The following SLCO2B1 variants were observed in gnomAD, a reference collection of about 807,000 sequenced individuals.
SLCO2B1 encodes solute carrier organic anion transporter family member 2B1.
SLCO2B1 carries 41 observed loss-of-function variants against 67.3 expected under a neutral mutation model. The observed-to-expected ratio is 0.61, with a 90% CI of 0.47 to 0.79. The LOEUF (loss-of-function observed/expected upper bound fraction) is 0.79, where lower values mean the gene tolerates loss of function less well. SLCO2B1 is among the 30% of genes least tolerant of loss of function. The probability of loss-of-function intolerance (pLI) is 0.00; values close to 1 mark genes in which losing one functional copy is unlikely to be tolerated. For synonymous variants in SLCO2B1, 379 were observed against 381.4 expected, an observed-to-expected ratio of 0.99 and a Z score of 0.07; for missense variants, 837 against 920.1, an observed-to-expected ratio of 0.91 and a Z score of 1.17.
intron 1 of SLCO2B1, among the ~76,000 whole-genome samples, chr11:75,155,932 G>A (rs574154700): frequency 1.3e-5 from 2 of 152,138 alleles, no homozygotes; most frequent in South Asian, 2.1e-4. Context: ...GGGTACGTGG[G>A]ATGGGACTGG....
At chr11:75,175,318 A>C (rs976986650) in intron 7 of SLCO2B1, among the ~76,000 whole-genome samples, 3 of 152,082 alleles carry the variant, frequency 2.0e-5, no homozygotes, top group Non-Finnish European at 4.4e-5. Flanking sequence ...GAGGGCCACC[A>C]ATGAGGAGTT....
At chr11:75,203,567 T>C in intron 13 of SLCO2B1, 140 bp downstream of exon 13, 1 of 1,058,014 alleles carries the variant, frequency 9.5e-7, no homozygotes, top group South Asian at 1.5e-5. Flanking sequence ...AGTGCTGAGC[T>C]CACCAGTCCT....
intron 7 of SLCO2B1, among the ~76,000 whole-genome samples, chr11:75,180,518 A>AT (rs1267734103): frequency 6.6e-6 from 1 of 152,138 alleles, no homozygotes; most frequent in Non-Finnish European, 1.5e-5. Context: ...TATCTATCAT[A>AT]TTTTTTATAA....
rs755551258 is a variant in SLCO2B1 at position 75,203,344 on chromosome 11, C to T, written c.1866C>T (p.Ile622=). ...GCCCCGTGATCCACGGCAGCGCCAT[C>T]GACACCACCTGTGTGCACTGGGCCC... The part of the protein sequence containing the change: ...MPSPVIHGSA[I]DTTCVHWALS... Residue 622 remains isoleucine (I), a synonymous_variant, in exon 13 of 14, where the codon ATC becomes ATT. Coordinates refer to ENST00000289575, the MANE Select transcript of SLCO2B1 (RefSeq NM_007256.5). The T allele has an allele frequency of 8.1e-6, 13 of 1,614,102 alleles. No individual in the cohort carries two copies. The South Asian group carries it at 8.8e-5, about 11-fold the overall frequency.
chr11:75,175,584 T>C (rs1260317693), intron 7 of SLCO2B1, among the ~76,000 whole-genome samples: 1 of 152,088 alleles, frequency 6.6e-6, no homozygotes, highest in African/African-American at 2.4e-5. Context: ...ACAAGAATTA[T>C]GTGCCCCCGA....
chr11:75,176,809 T>A (rs552759340), intron 7 of SLCO2B1, among the ~76,000 whole-genome samples: 1 of 152,284 alleles, frequency 6.6e-6, no homozygotes, highest in East Asian at 1.9e-4. Context: ...AGTTCTGAGG[T>A]GCGCAGGCCT....
At chr11:75,172,665 C>A in intron 7 of SLCO2B1, 96 bp downstream of exon 7, 3 of 1,161,596 alleles carry the variant, frequency 2.6e-6, no homozygotes, top group Non-Finnish European at 3.7e-6. Context: ...CGTGGTGGCT[C>A]ACATCTGTAG....
At chr11:75,154,619 G>A (rs1379457300) in intron 1 of SLCO2B1, among the ~76,000 whole-genome samples, 1 of 152,212 alleles carries the variant, frequency 6.6e-6, no homozygotes, top group Non-Finnish European at 1.5e-5. Context: ...GCCCTCCACT[G>A]GTAACAGAGC....
intron 4 of SLCO2B1, among the ~76,000 whole-genome samples, chr11:75,168,755 T>C (rs1316254551): frequency 6.6e-6 from 1 of 152,190 alleles, no homozygotes; most frequent in Non-Finnish European, 1.5e-5. Context: ...TTGCGTGTAC[T>C]GTGACCTCTC....
At chr11:75,195,221 G>A (rs1360637201) in intron 9 of SLCO2B1, among the ~76,000 whole-genome samples, 4 of 152,170 alleles carry the variant, frequency 2.6e-5, no homozygotes, top group East Asian at 1.9e-4. Context: ...AGCGAGGAGC[G>A]GAGGAAGGAC....
At chr11:75,168,834 T>A (rs1949923833) in intron 4 of SLCO2B1, among the ~76,000 whole-genome samples, 1 of 152,154 alleles carries the variant, frequency 6.6e-6, no homozygotes, top group South Asian at 2.1e-4. Context: ...CAGTTCAAAC[T>A]ACACCACCTT....
chr11:75,155,659 T>C (rs997233532), intron 1 of SLCO2B1, among the ~76,000 whole-genome samples: 2 of 152,166 alleles, frequency 1.3e-5, no homozygotes, highest in Non-Finnish European at 2.9e-5. Flanking sequence ...AGTTTCACCA[T>C]GTTGGCCAGG....
At position 75,193,208 on chromosome 11, in the gene SLCO2B1, GCCCCCACAGTCTT is replaced by G. The variant is rs749840016; in HGVS notation, c.1076-5_1083del. 1.9e-6 allele frequency: 3 copies of G among 1,595,358 alleles called. No individual in the cohort carries two copies. The African/African-American group carries it at 4.0e-5, about 21-fold the overall frequency. ...CCTGCCTGCCCTGACCTCTGCACTC[GCCCCCACAGTCTT>G]CCCCAGGGTGCTGCTGCAGACCCTA... On this transcript the variant is annotated splice_acceptor_variant and splice_polypyrimidine_tract_variant and coding_sequence_variant and intron_variant, in exon 9 of 14. Transcript: ENST00000289575. LOFTEE classifies it high-confidence loss of function. This position sits in a 1 kb window ranked among gnomAD's most constrained non-coding sequence, Gnocchi z 4.2.
At chr11:75,163,869 C>T in intron 2 of SLCO2B1, 94 bp from the exon 3 acceptor site, 1 of 1,395,476 alleles carries the variant, frequency 7.2e-7, no homozygotes, top group Non-Finnish European at 9.7e-7. Flanking sequence ...CTCTGTTTCC[C>T]CATCTCTACT....
chr11:75,178,093 C>CAAAAAAA (rs71804511), intron 7 of SLCO2B1, among the ~76,000 whole-genome samples: 5 of 84,394 alleles, frequency 5.9e-5, no homozygotes, highest in African/African-American at 7.8e-5. Context: ...GATTCCATCT[C>CAAAAAAA]AAAAAAAAAA....
rs764619160 is a variant in SLCO2B1, at chr11:75,203,320, C to G, written c.1842C>G (p.Ser614Arg). The change falls in exon 13 of 14, where the codon AGC (serine) becomes AGG (arginine). Residue 614 changes from serine (S) to arginine (R), a missense_variant. Transcript: ENST00000289575. ...CACCTCCCTCAGCCTGGATGCCCAG[C>G]CCCGTGATCCACGGCAGCGCCATCG... ...MFLRILAWMP[S>R]PVIHGSAIDT... 6.2e-7 allele frequency: 1 copy of G among 1,613,758 alleles called. No individual in the cohort carries two copies. The highest frequency in any genetic ancestry group is 8.5e-7 in the Non-Finnish European group (1 of 1,179,986).
rs545098981 is a variant in SLCO2B1 at position 75,157,438 on chromosome 11, A to G, written c.17-5217A>G. Among the ~76,000 whole-genome samples the G allele has an allele frequency of 5.3e-5, 8 of 152,270 alleles. No homozygotes were observed. The South Asian group carries it at 1.2e-3, about 24-fold the overall frequency. On this transcript the variant is annotated intron_variant, in intron 1 of 13. Transcript: ENST00000289575. ...AGGAAGGAGGGATTACAGTCTCTGC[A>G]TGGTAGCTGGGGGCTTCAAGCCTGT...
In SLCO2B1 at chr11:75,205,497, C is replaced by T. The variant is rs1945259438; in HGVS notation, c.*917C>T. The T allele has an allele frequency of 6.6e-6, 1 of 152,268 alleles. No individual in the cohort carries two copies. The highest frequency in any genetic ancestry group is 6.5e-5 in the Admixed American group (1 of 15,290). 9.4% of individuals were successfully genotyped at this position (152,268 alleles called of 1,614,324 possible). A position where few individuals can be genotyped will look rare whatever the true frequency, so the allele number is the denominator to read the frequency against. On this transcript the variant is annotated 3_prime_UTR_variant, in exon 14 of 14. Coordinates refer to ENST00000289575, the MANE Select transcript of SLCO2B1 (RefSeq NM_007256.5). ...ATTTCACACATGTGACCAGGGGCCA[C>T]CAAAGTCCCTGTGACCTTTGTGACT...
chr11:75,174,814 G>A (rs1555139875), intron 7 of SLCO2B1, among the ~76,000 whole-genome samples: 1 of 151,108 alleles, frequency 6.6e-6, no homozygotes. Flanking sequence ...GTTGAGCCAC[G>A]GGTGGGATAG....
Sources: allele counts gnomAD v4.1 joint callset (sites outside exome capture counted in the v4.1 genomes callset), GRCh38; gene constraint gnomAD v4.1.1; non-coding constraint Gnocchi (gnomAD v3.1); transcripts MANE v1.5; gene names NCBI Gene and HGNC (gene_info 2026-07-23, HGNC 2026-07-21).